Variants in ANKS1B observed in about 807,000 individuals in gnomAD.
The protein encoded by ANKS1B is ankyrin repeat and sterile alpha motif domain containing 1B, also known as ankyrin repeat and sterile alpha motif domain-containing protein 1B.
A neutral mutation model predicts 148.3 loss-of-function variants in ANKS1B; 36 were observed. The ratio of observed to expected loss-of-function variants is 0.24; its 90% CI spans 0.19 to 0.32. The LOEUF (loss-of-function observed/expected upper bound fraction) is 0.32. Among genes scored for constraint, ANKS1B ranks in the 10% least tolerant of loss-of-function variants. ANKS1B has a pLI of 1.00. For synonymous variants in ANKS1B, 542 were observed against 560.8 expected (o/e 0.97, Z 0.47); for missense variants, 1,157 against 1,542.6 (o/e 0.75, Z 4.19).
Position 99,955,349 on chromosome 12 carries a change from C to T in ANKS1B, c.134+28755G>A, listed in dbSNP as rs946589248. Reference sequence around the variant, plus strand: ...CTCTACTAAAAATACAAAAATTAGCCGGGCATGGTGGCGCGCGCCTGTAGT... The same window carrying T: ...CTCTACTAAAAATACAAAAATTAGCTGGGCATGGTGGCGCGCGCCTGTAGT... On this transcript the variant is annotated intron_variant, in intron 1 of 26. Transcript: ENST00000683438. 1.1e-4 allele frequency among the ~76,000 whole-genome samples: 17 copies of T among 151,654 alleles called. 1 individual carries two copies. The highest frequency in any genetic ancestry group is 9.2e-4 in the Admixed American group (14 of 15,246).
At chr12:98,838,249 A>G (rs985066976) in intron 17 of ANKS1B, among the ~76,000 whole-genome samples, 2 of 152,170 alleles carry the variant, frequency 1.3e-5, no homozygotes, top group East Asian at 3.8e-4. Context: ...CTATCATCCT[A>G]CAATTTCCGT....
intron 15 of ANKS1B, among the ~76,000 whole-genome samples, chr12:99,153,725 G>A (rs564965942): frequency 1.5e-4 from 23 of 152,178 alleles, no homozygotes; most frequent in Middle Eastern, 3.4e-3. Context: ...ATACTTCATC[G>A]CTCTTCAATC....
At chr12:98,898,256 T>G (rs998686793) in intron 17 of ANKS1B, among the ~76,000 whole-genome samples, 1 of 152,204 alleles carries the variant, frequency 6.6e-6, no homozygotes, top group Non-Finnish European at 1.5e-5. Context: ...AGTCTGGAAA[T>G]TAACTTCATC....
intron 14 of ANKS1B, among the ~76,000 whole-genome samples, chr12:99,230,662 G>A (rs1261230945): frequency 3.9e-5 from 6 of 152,084 alleles, no homozygotes; most frequent in Non-Finnish European, 8.8e-5. Context: ...TTAAACACTA[G>A]TTAGAATGTA....
intron 11 of ANKS1B, among the ~76,000 whole-genome samples, chr12:99,436,828 C>T (rs926348750): frequency 2.0e-5 from 3 of 151,914 alleles, no homozygotes; most frequent in Admixed American, 6.6e-5. Flanking sequence ...ATCTTTCCTC[C>T]AATCATCTCC....
chr12:99,540,413 G>C (rs1022818397), intron 9 of ANKS1B, among the ~76,000 whole-genome samples: 1 of 152,026 alleles, frequency 6.6e-6, no homozygotes, highest in Non-Finnish European at 1.5e-5. Context: ...TGCAATATGA[G>C]ACTTGCCATA....
intron 17 of ANKS1B, among the ~76,000 whole-genome samples, chr12:99,012,349 C>T (rs1455159063): frequency 2.6e-5 from 4 of 152,184 alleles, no homozygotes; most frequent in Non-Finnish European, 4.4e-5. Flanking sequence ...CTGTGCTTTT[C>T]CCATTAGGCC....
intron 9 of ANKS1B, among the ~76,000 whole-genome samples, chr12:99,645,379 G>A (rs1239529771): frequency 5.3e-5 from 8 of 152,086 alleles, no homozygotes; most frequent in East Asian, 3.8e-4. Flanking sequence ...TCATTGTTAT[G>A]GTTCAGAGTA....
intron 14 of ANKS1B, among the ~76,000 whole-genome samples, chr12:99,212,264 T>G (rs1218392721): frequency 6.6e-6 from 1 of 152,206 alleles, no homozygotes; most frequent in Non-Finnish European, 1.5e-5. Context: ...GGCTCAAACT[T>G]ATATTTCCAT....
chr12:98,735,055 C>T (rs1372059732), exon 10 of ANKS1B: 1 of 394,522 alleles, frequency 2.5e-6, no homozygotes, highest in African/African-American at 2.1e-5. Flanking sequence ...TGAGTCCAGC[C>T]TGGGTGACAT....
intron 12 of ANKS1B, among the ~76,000 whole-genome samples, chr12:99,332,341 T>G (rs2087731352): frequency 6.6e-6 from 1 of 152,028 alleles, no homozygotes; most frequent in Non-Finnish European, 1.5e-5. Flanking sequence ...CATAGGCAGA[T>G]AGATTACAAC....
At chr12:99,793,971 C>A (rs990495465) in intron 4 of ANKS1B, among the ~76,000 whole-genome samples, 3 of 151,816 alleles carry the variant, frequency 2.0e-5, no homozygotes, top group Non-Finnish European at 4.4e-5. Flanking sequence ...AAAAACTTTA[C>A]AGGAAAACAT....
intron 9 of ANKS1B, among the ~76,000 whole-genome samples, chr12:99,636,752 G>A (rs1048389104): frequency 1.3e-5 from 2 of 152,106 alleles, no homozygotes; most frequent in Non-Finnish European, 2.9e-5. Flanking sequence ...CTCTGTGCAC[G>A]TCCATGAATG....
At chr12:99,855,536 T>C (rs2088874643) in intron 1 of ANKS1B, among the ~76,000 whole-genome samples, 1 of 152,086 alleles carries the variant, frequency 6.6e-6, no homozygotes, top group South Asian at 2.1e-4. Flanking sequence ...AACAATGGCC[T>C]TAAACTATAC....
At chr12:99,188,250 A>C (rs1233620457) in intron 14 of ANKS1B, among the ~76,000 whole-genome samples, 2 of 152,178 alleles carry the variant, frequency 1.3e-5, no homozygotes, top group African/African-American at 4.8e-5. Context: ...ATAGTGGGAG[A>C]CTTTAACACC....
rs377207745 is a variant in ANKS1B at position 99,311,903 on chromosome 12, C to T, written c.1757-65039G>A. 1.5e-4 allele frequency among the ~76,000 whole-genome samples: 23 copies of T among 152,094 alleles called. 2 individuals carry two copies. Among genetic ancestry groups the T allele is most frequent in the Middle Eastern group, 6.8e-3 (2 of 294 alleles). Reference sequence around the variant, plus strand: ...ACAGAAATGAATTATTCCCTCTTGACGGGTGCAAAATCTTAGAGCATTATT... The same window carrying T: ...ACAGAAATGAATTATTCCCTCTTGATGGGTGCAAAATCTTAGAGCATTATT... On this transcript the variant is annotated intron_variant, in intron 12 of 26. Coordinates refer to ENST00000683438, the MANE Select transcript of ANKS1B (RefSeq NM_001352186.2).
intron 12 of ANKS1B, among the ~76,000 whole-genome samples, chr12:99,349,538 TATC>T (rs2091154646): frequency 6.6e-6 from 1 of 151,950 alleles, no homozygotes; most frequent in Non-Finnish European, 1.5e-5. Context: ...GCCACACTAA[TATC>T]ATACAAAATG....
chr12:99,392,795 A>C (rs1388803069), intron 12 of ANKS1B, among the ~76,000 whole-genome samples: 1 of 152,132 alleles, frequency 6.6e-6, no homozygotes, highest in Non-Finnish European at 1.5e-5. Context: ...GATACTCTTT[A>C]CTTCTGATAA....
chr12:98,917,970 T>A (rs1257705153), intron 17 of ANKS1B, among the ~76,000 whole-genome samples: 2 of 152,236 alleles, frequency 1.3e-5, no homozygotes, highest in South Asian at 2.1e-4. Flanking sequence ...TCATGGCCCC[T>A]GTCCTTTTAA....
Sources: gnomAD v4.1 joint callset for allele counts (sites outside exome capture counted in the v4.1 genomes callset) on GRCh38, gnomAD v4.1.1 for gene constraint, MANE v1.5 for transcripts, NCBI Gene and HGNC (gene_info 2026-07-23, HGNC 2026-07-21) for gene names.